Variants in CFAP61 observed in about 807,000 individuals in gnomAD.
CFAP61 encodes cilia and flagella associated protein 61, also known as cilia- and flagella-associated protein 61.
Under a neutral mutation model 135.6 loss-of-function variants are expected in CFAP61, and 107 were observed. The observed-to-expected ratio is 0.79, with a 90% CI of 0.67 to 0.93. The LOEUF (loss-of-function observed/expected upper bound fraction) is 0.93, where lower values mean the gene tolerates loss of function less well. Ranked by LOEUF, CFAP61 falls within the 40% of genes least tolerant of loss-of-function variation. The pLI is 0.00. For synonymous variants in CFAP61, 575 were observed against 578.5 expected (o/e 0.99, Z 0.09); for missense variants, 1,507 against 1,556.2 (o/e 0.97, Z 0.53).
At chr20:20,177,219 CT>C (rs1409846641) in intron 13 of CFAP61, among the ~76,000 whole-genome samples, 1 of 151,976 alleles carries the variant, frequency 6.6e-6, no homozygotes, top group Non-Finnish European at 1.5e-5. Context: ...CTGGCCCTTT[CT>C]TTTTTCATAC....
At chr20:20,313,620 A>C (rs2056951647) in intron 25 of CFAP61, among the ~76,000 whole-genome samples, 1 of 152,212 alleles carries the variant, frequency 6.6e-6, no homozygotes, top group South Asian at 2.1e-4. Flanking sequence ...TTCATTCTCT[A>C]GGCATAAAGG....
chr20:20,069,359 C>T (rs2045545642), intron 2 of CFAP61, among the ~76,000 whole-genome samples: 1 of 152,198 alleles, frequency 6.6e-6, no homozygotes, highest in African/African-American at 2.4e-5. Flanking sequence ...CGGCTCACTG[C>T]AGCCTCTGGC....
At chr20:20,306,511 G>A (rs2056485753) in intron 25 of CFAP61, among the ~76,000 whole-genome samples, 1 of 152,202 alleles carries the variant, frequency 6.6e-6, no homozygotes, top group Admixed American at 6.5e-5. Context: ...ATGAATGAAA[G>A]AAACATGAGT....
intron 25 of CFAP61, among the ~76,000 whole-genome samples, chr20:20,319,381 G>A (rs2057315457): frequency 6.6e-6 from 1 of 152,218 alleles, no homozygotes; most frequent in South Asian, 2.1e-4. Flanking sequence ...TTGGATTTGT[G>A]TCCCCACCCA....
chr20:20,168,527 T>C (rs2053993374), intron 12 of CFAP61, among the ~76,000 whole-genome samples: 1 of 152,258 alleles, frequency 6.6e-6, no homozygotes, highest in Non-Finnish European at 1.5e-5. Context: ...TGTATTTGTA[T>C]GTTATAAAAT....
intron 9 of CFAP61, among the ~76,000 whole-genome samples, chr20:20,152,847 A>T (rs1272458191): frequency 6.6e-6 from 1 of 152,154 alleles, no homozygotes; most frequent in East Asian, 1.9e-4. Context: ...AATGCACTTA[A>T]ACTATACCCT....
chr20:20,311,297 G>A (rs1170466152), intron 25 of CFAP61, among the ~76,000 whole-genome samples: 2 of 152,230 alleles, frequency 1.3e-5, no homozygotes, highest in African/African-American at 4.8e-5. Context: ...AATCCTAGGA[G>A]CAGATGTTGT....
intron 16 of CFAP61, among the ~76,000 whole-genome samples, chr20:20,198,520 A>T (rs546049696): frequency 5.9e-5 from 9 of 152,340 alleles, no homozygotes; most frequent in Non-Finnish European, 1.0e-4. Context: ...AGTTGATTTC[A>T]CATATTCATT....
chr20:20,289,990 G>A (rs968212434), intron 23 of CFAP61, among the ~76,000 whole-genome samples: 1 of 152,214 alleles, frequency 6.6e-6, no homozygotes, highest in African/African-American at 2.4e-5. Flanking sequence ...TAAAGGTCTT[G>A]ATCTGGTTTT....
intron 26 of CFAP61, among the ~76,000 whole-genome samples, chr20:20,346,021 C>A (rs1412756931): frequency 2.1e-5 from 3 of 140,836 alleles, no homozygotes; most frequent in Non-Finnish European, 4.7e-5. Context: ...CCTGCCTCAG[C>A]CTCCCGAGTA....
At chr20:20,313,896 G>A (rs970547030) in intron 25 of CFAP61, among the ~76,000 whole-genome samples, 3 of 152,128 alleles carry the variant, frequency 2.0e-5, no homozygotes, top group African/African-American at 7.2e-5. Context: ...CAGTGCCAAG[G>A]GGCACTCTGG....
chr20:20,183,165 T>TTC (rs2055243370), intron 13 of CFAP61, among the ~76,000 whole-genome samples: 2 of 151,014 alleles, frequency 1.3e-5, no homozygotes, highest in Non-Finnish European at 2.9e-5. Flanking sequence ...TTTCTTTTTT[T>TTC]TTTTTTTTAG....
At chr20:20,169,781 ATG>A (rs1321210582) in intron 13 of CFAP61, among the ~76,000 whole-genome samples, 1 of 144,408 alleles carries the variant, frequency 6.9e-6, no homozygotes, top group East Asian at 2.0e-4. Context: ...AGATCTTTGT[ATG>A]TGAGTGTGTG....
rs1450637383 is a variant in CFAP61 at position 20,277,172 on chromosome 20, T to C, written c.2510T>C (p.Ile837Thr). 5 of 1,602,906 alleles carry C rather than the reference T, an allele frequency of 3.1e-6. No homozygotes were observed. The highest frequency in any genetic ancestry group is 4.3e-6 in the Non-Finnish European group (5 of 1,171,448). The change falls in exon 22 of 27, where the codon ATC (isoleucine) becomes ACC (threonine). Residue 837 changes from isoleucine to threonine, a missense_variant. Coordinates refer to ENST00000245957, the MANE Select transcript of CFAP61 (RefSeq NM_015585.4). ...RNNSITTEGN[I>T]IVYGNTIDTY... ...GTTTTCCCTTCTTTCCTAGGGAATA[T>C]CATTGTCTATGGGAATACAATTGAT...
intron 22 of CFAP61, among the ~76,000 whole-genome samples, chr20:20,281,196 G>T (rs2054176058): frequency 6.6e-6 from 1 of 152,084 alleles, no homozygotes; most frequent in Non-Finnish European, 1.5e-5. Flanking sequence ...GCAAATAGAG[G>T]CAGTTTTACT....
At chr20:20,246,966 T>C (rs2050500500) in intron 19 of CFAP61, among the ~76,000 whole-genome samples, 1 of 152,210 alleles carries the variant, frequency 6.6e-6, no homozygotes, top group East Asian at 1.9e-4. Context: ...TTCCACTTTA[T>C]AATTTTATCA....
chr20:20,315,228 T>C (rs1175919261), intron 25 of CFAP61, among the ~76,000 whole-genome samples: 3 of 151,996 alleles, frequency 2.0e-5, no homozygotes, highest in African/African-American at 7.3e-5. Context: ...TGACTGCCAT[T>C]CTAACTGGTG....
intron 3 of CFAP61, among the ~76,000 whole-genome samples, chr20:20,072,796 T>C (rs1162277274): frequency 6.6e-6 from 1 of 152,048 alleles, no homozygotes; most frequent in Non-Finnish European, 1.5e-5. Context: ...AAATACTTCG[T>C]AGGAAAAAAA....
At chr20:20,061,703 C>T (rs979706878) in intron 2 of CFAP61, among the ~76,000 whole-genome samples, 1 of 152,308 alleles carries the variant, frequency 6.6e-6, no homozygotes, top group Non-Finnish European at 1.5e-5. Context: ...GGAGACTCTC[C>T]CGCCTCCCTG....
Sources: allele counts gnomAD v4.1 joint callset (sites outside exome capture counted in the v4.1 genomes callset), GRCh38; gene constraint gnomAD v4.1.1; transcripts MANE v1.5; gene names NCBI Gene and HGNC (gene_info 2026-07-23, HGNC 2026-07-21).